RBFOX1: variants seen among roughly 807,000 people sequenced by gnomAD.
The protein encoded by RBFOX1 is RNA binding fox-1 homolog 1.
Under a neutral mutation model 57.7 loss-of-function variants are expected in RBFOX1, and 8 were observed. That is an observed-to-expected ratio of 0.14 (90% CI 0.08 to 0.25). The LOEUF (loss-of-function observed/expected upper bound fraction) is 0.25. Among genes scored for constraint, RBFOX1 ranks in the 10% least tolerant of loss-of-function variants. RBFOX1 has a pLI of 1.00. For missense variants in RBFOX1, 611 were observed against 548.5 expected (o/e 1.11, Z -1.14); for synonymous variants, 326 against 222.4 (o/e 1.47, Z -4.15).
intron 2 of RBFOX1, among the ~76,000 whole-genome samples, chr16:6,508,145 T>C (rs1357740712): frequency 2.0e-5 from 3 of 152,146 alleles, no homozygotes; most frequent in South Asian, 2.1e-4. Context: ...TTCTCACTTA[T>C]AAGTGAGAGC....
At chr16:5,545,608 A>G (rs1220681068) in intron 2 of RBFOX1, among the ~76,000 whole-genome samples, 3 of 152,202 alleles carry the variant, frequency 2.0e-5, no homozygotes, top group Admixed American at 6.5e-5. Context: ...GAGACACATG[A>G]TCATTTCAAT....
intron 2 of RBFOX1, among the ~76,000 whole-genome samples, chr16:6,403,135 C>G (rs1304211649): frequency 6.6e-6 from 1 of 152,156 alleles, no homozygotes; most frequent in Non-Finnish European, 1.5e-5. Context: ...ACTGTGGGTG[C>G]TGAACCAGCA....
At chr16:6,943,723 A>AG (rs1280368661) in intron 3 of RBFOX1, among the ~76,000 whole-genome samples, 7 of 151,882 alleles carry the variant, frequency 4.6e-5, no homozygotes, top group Non-Finnish European at 5.9e-5. Context: ...AAAAAAAAAA[A>AG]AAAAGTATTC....
chr16:7,389,387 A>C (rs2097949756), intron 4 of RBFOX1, among the ~76,000 whole-genome samples: 2 of 152,124 alleles, frequency 1.3e-5, no homozygotes, highest in African/African-American at 4.8e-5. Context: ...CAGCCTCCCA[A>C]AGCACTTGGA....
At position 5,253,945 on chromosome 16, in the gene RBFOX1, C is replaced by T. The variant is rs1279096392; in HGVS notation, c.219+13840C>T. Among the ~76,000 whole-genome samples, 3 of 151,972 alleles carry T rather than the reference C, an allele frequency of 2.0e-5. No homozygotes were observed. The East Asian group carries it at 5.8e-4, about 29-fold the overall frequency. On this transcript the variant is annotated intron_variant, in intron 1 of 2. Transcript: ENST00000585867. ...CACACTGACTCAGTCACAGCAACCCCCTATTATCTGCTTTCATGACACCAG... is the reference window on the plus strand; with the variant it reads ...CACACTGACTCAGTCACAGCAACCCTCTATTATCTGCTTTCATGACACCAG...
intron 2 of RBFOX1, among the ~76,000 whole-genome samples, chr16:5,534,926 T>C (rs2044637261): frequency 6.6e-6 from 1 of 152,206 alleles, no homozygotes; most frequent in Admixed American, 6.5e-5. Context: ...ATTTTCAGAA[T>C]AGAGGAATAG....
At chr16:5,941,605 G>C (rs945822358) in intron 4 of RBFOX1, among the ~76,000 whole-genome samples, 3 of 152,138 alleles carry the variant, frequency 2.0e-5, no homozygotes, top group African/African-American at 7.2e-5. Context: ...AAAATACCTG[G>C]CACATAATAT....
chr16:7,556,608 A>C (rs532690013), intron 5 of RBFOX1, among the ~76,000 whole-genome samples: 1 of 152,280 alleles, frequency 6.6e-6, no homozygotes, highest in East Asian at 1.9e-4. Context: ...CATTCACCTA[A>C]GAAAGCTTCA....
intron 3 of RBFOX1, among the ~76,000 whole-genome samples, chr16:5,771,821 G>T (rs768494807): frequency 6.6e-6 from 1 of 152,186 alleles, no homozygotes; most frequent in Non-Finnish European, 1.5e-5. Flanking sequence ...AGTGTTTGAA[G>T]TGATGACATA....
intron 2 of RBFOX1, among the ~76,000 whole-genome samples, chr16:6,599,650 A>G (rs971338882): frequency 1.5e-4 from 23 of 152,138 alleles, no homozygotes; most frequent in Admixed American, 9.8e-4. Flanking sequence ...CACTAATACT[A>G]TTCAGCAGCC....
intron 1 of RBFOX1, among the ~76,000 whole-genome samples, chr16:6,055,144 C>G (rs980133971): frequency 6.6e-6 from 1 of 151,966 alleles, no homozygotes; most frequent in East Asian, 1.9e-4. Context: ...TCCTACAGGT[C>G]ATTTATAGTA....
chr16:7,646,340 G>C (rs35273069), intron 11 of RBFOX1, among the ~76,000 whole-genome samples: 8,270 of 152,270 alleles, frequency 0.054, 349 homozygotes, highest in Non-Finnish European at 0.087. Flanking sequence ...CATGGAATGG[G>C]AGTTCCCCCA....
chr16:7,655,886 A>G (rs1287387334), intron 12 of RBFOX1, among the ~76,000 whole-genome samples: 1 of 152,226 alleles, frequency 6.6e-6, no homozygotes, highest in Non-Finnish European at 1.5e-5. Flanking sequence ...GTAAAATCAA[A>G]ATTAAATTAG....
intron 14 of RBFOX1, among the ~76,000 whole-genome samples, chr16:7,703,339 A>C (rs1443212586): frequency 6.6e-6 from 1 of 152,002 alleles, no homozygotes; most frequent in Non-Finnish European, 1.5e-5. Context: ...AAGCCCATGC[A>C]TTTTCTTGCT....
At chr16:6,312,483 G>T (rs1282242804) in intron 1 of RBFOX1, among the ~76,000 whole-genome samples, 1 of 152,090 alleles carries the variant, frequency 6.6e-6, no homozygotes, top group African/African-American at 2.4e-5. Context: ...CCTAGATAGG[G>T]TGAGGTTTCG....
chr16:6,333,889 A>T (rs905682414), intron 2 of RBFOX1, among the ~76,000 whole-genome samples: 1 of 152,228 alleles, frequency 6.6e-6, no homozygotes, highest in African/African-American at 2.4e-5. Context: ...TGAAGAAATC[A>T]AAAGAAAGCC....
intron 4 of RBFOX1, among the ~76,000 whole-genome samples, chr16:6,013,157 A>G (rs1337713524): frequency 6.6e-6 from 1 of 152,206 alleles, no homozygotes; most frequent in African/African-American, 2.4e-5. Context: ...TAAGTAGTAG[A>G]TATGGAATAT....
At chr16:7,670,456 A>C (rs992964536) in intron 13 of RBFOX1, among the ~76,000 whole-genome samples, 5 of 152,238 alleles carry the variant, frequency 3.3e-5, no homozygotes, top group Non-Finnish European at 7.3e-5. Flanking sequence ...CCACAAACTC[A>C]AGTCATTGCG....
chr16:6,811,255 G>C (rs2088479971), intron 3 of RBFOX1, among the ~76,000 whole-genome samples: 1 of 152,150 alleles, frequency 6.6e-6, no homozygotes, highest in Non-Finnish European at 1.5e-5. Context: ...CCACAAAATT[G>C]AGTAAAAGAG....
Sources: allele counts gnomAD v4.1 joint callset (sites outside exome capture counted in the v4.1 genomes callset), GRCh38; gene constraint gnomAD v4.1.1; transcripts MANE v1.5; gene names NCBI Gene and HGNC (gene_info 2026-07-23, HGNC 2026-07-21).